The following ADCY2 variants were observed in gnomAD, a reference collection of about 807,000 sequenced individuals.
ADCY2 encodes adenylate cyclase type 2.
Under a neutral mutation model 125.2 loss-of-function variants are expected in ADCY2, and 31 were observed. The ratio of observed to expected loss-of-function variants is 0.25; its 90% CI spans 0.19 to 0.33. ADCY2 has a LOEUF of 0.33. Among genes scored for constraint, ADCY2 ranks in the 10% least tolerant of loss-of-function variants. The pLI is 1.00. For missense variants in ADCY2, 904 were observed against 1,418.2 expected, an observed-to-expected ratio of 0.64 and a Z score of 5.82; for synonymous variants, 512 against 548.4, an observed-to-expected ratio of 0.93 and a Z score of 0.93.
At chr5:7,490,263 G>C (rs1743111704) in intron 2 of ADCY2, among the ~76,000 whole-genome samples, 1 of 151,816 alleles carries the variant, frequency 6.6e-6, no homozygotes, top group African/African-American at 2.4e-5. Flanking sequence ...TTAATACCAT[G>C]GTTTATATCT....
At chr5:7,762,458 T>C (rs1338201105) in intron 16 of ADCY2, among the ~76,000 whole-genome samples, 1 of 152,186 alleles carries the variant, frequency 6.6e-6, no homozygotes, top group Non-Finnish European at 1.5e-5. Context: ...CACACACAGG[T>C]GGTGCTGATG....
chr5:7,566,112 G>A lies in ADCY2; in HGVS notation c.570+45213G>A, dbSNP rs76739007. On this transcript the variant is annotated intron_variant, in intron 3 of 24. Coordinates refer to ENST00000338316, the MANE Select transcript of ADCY2 (RefSeq NM_020546.3). Reference sequence around the variant, plus strand: ...GGAGGAAGAACTTGGGTTCAGCAAGGAATTGCACCAAGATGGGTCAGCACA... The same window carrying A: ...GGAGGAAGAACTTGGGTTCAGCAAGAAATTGCACCAAGATGGGTCAGCACA... Among the ~76,000 whole-genome samples the A allele has an allele frequency of 4.8e-3, 726 of 152,246 alleles. 4 individuals are homozygous for A. Among genetic ancestry groups the A allele is most frequent in the African/African-American group, 0.016 (678 of 41,550 alleles).
chr5:7,474,311 T>C (rs143968230), intron 2 of ADCY2, among the ~76,000 whole-genome samples: 7 of 152,312 alleles, frequency 4.6e-5, no homozygotes, highest in African/African-American at 1.7e-4. Flanking sequence ...AGGACAGACT[T>C]GGCCCTGCTT....
chr5:7,477,099 T>C (rs1321706720), intron 2 of ADCY2, among the ~76,000 whole-genome samples: 3 of 152,202 alleles, frequency 2.0e-5, no homozygotes, highest in African/African-American at 4.8e-5. Flanking sequence ...TACCTCGCTC[T>C]TGTTCTTATA....
intron 7 of ADCY2, among the ~76,000 whole-genome samples, chr5:7,706,411 G>A (rs566612924): frequency 2.6e-5 from 4 of 152,318 alleles, no homozygotes; most frequent in Admixed American, 2.0e-4. Flanking sequence ...GCAATGTCAC[G>A]TGATTCTAGT....
At chr5:7,556,773 T>C (rs908208116) in intron 3 of ADCY2, among the ~76,000 whole-genome samples, 1 of 152,110 alleles carries the variant, frequency 6.6e-6, no homozygotes, top group South Asian at 2.1e-4. Flanking sequence ...GGAACCCTAT[T>C]ATGAACTGCA....
Position 7,653,969 on chromosome 5 carries a change from C to T in ADCY2, c.720+27653C>T, listed in dbSNP as rs1223932918. 7 of 414,472 alleles carry T rather than the reference C, an allele frequency of 1.7e-5. No homozygotes were observed. The Admixed American group carries it at 1.9e-4, about 11-fold the overall frequency. 25.7% of individuals were successfully genotyped at this position (414,472 alleles called of 1,614,324 possible). On this transcript the variant is annotated intron_variant, in intron 4 of 24. Transcript: ENST00000338316. ...TCATTGTGAGGAGTTTGGTAGAAAT[C>T]CCAGAAGAGCTGTTGAGAAGACCAG...
At chr5:7,791,992 G>A (rs1173005795) in intron 20 of ADCY2, among the ~76,000 whole-genome samples, 1 of 152,030 alleles carries the variant, frequency 6.6e-6, no homozygotes, top group Non-Finnish European at 1.5e-5. Context: ...GCTCCAAGGG[G>A]CTACTTTTCC....
chr5:7,531,339 G>A (rs964831153), intron 3 of ADCY2, among the ~76,000 whole-genome samples: 9 of 152,108 alleles, frequency 5.9e-5, no homozygotes, highest in Non-Finnish European at 1.5e-5. Context: ...ATCCGACCAT[G>A]CTACATCTAA....
chr5:7,728,185 A>T (rs1269327628), intron 14 of ADCY2, among the ~76,000 whole-genome samples: 2 of 152,148 alleles, frequency 1.3e-5, no homozygotes, highest in Non-Finnish European at 2.9e-5. Context: ...GGCAACTCAA[A>T]CTGCTTAGAT....
intron 2 of ADCY2, among the ~76,000 whole-genome samples, chr5:7,519,161 C>G (rs911510103): frequency 2.0e-5 from 3 of 152,164 alleles, no homozygotes; most frequent in Non-Finnish European, 4.4e-5. Flanking sequence ...CAGACACCAC[C>G]CTGGAATAGT....
chr5:7,675,853 C>T (rs1317466367), intron 4 of ADCY2, among the ~76,000 whole-genome samples: 1 of 152,074 alleles, frequency 6.6e-6, no homozygotes, highest in African/African-American at 2.4e-5. Context: ...TAGAGGACTC[C>T]AATGAGTTTA....
rs1185070509 is a variant in ADCY2, at chr5:7,396,675, C to G, written c.210+169C>G. On this transcript the variant is annotated intron_variant, in intron 1 of 24. Transcript: ENST00000338316. The surrounding 1 kb of genome is among the most constrained non-coding windows in gnomAD (Gnocchi z 5.7). ...CTGCTTCTCCTGCTGGCCCGCGGCCCGGTGGACTCTGGCAAGGGCTGCGGG... is the reference window on the plus strand; with the variant it reads ...CTGCTTCTCCTGCTGGCCCGCGGCCGGGTGGACTCTGGCAAGGGCTGCGGG... Among the ~76,000 whole-genome samples the G allele has an allele frequency of 1.3e-5, 2 of 151,274 alleles. No homozygotes were observed. The highest frequency in any genetic ancestry group is 2.0e-4 in the East Asian group (1 of 5,084).
intron 15 of ADCY2, among the ~76,000 whole-genome samples, chr5:7,749,029 G>T (rs1354555630): frequency 1.3e-5 from 2 of 152,198 alleles, no homozygotes; most frequent in African/African-American, 4.8e-5. Flanking sequence ...CAGGCAGACG[G>T]TGCCCAGCAC....
intron 4 of ADCY2, among the ~76,000 whole-genome samples, chr5:7,650,340 C>T (rs978948184): frequency 3.9e-5 from 6 of 152,120 alleles, no homozygotes; most frequent in Non-Finnish European, 7.4e-5. Flanking sequence ...ATGATAGCCA[C>T]CACTATGAGG....
chr5:7,779,350 G>A (rs527836443), intron 18 of ADCY2, among the ~76,000 whole-genome samples: 1 of 152,306 alleles, frequency 6.6e-6, no homozygotes, highest in South Asian at 2.1e-4. Flanking sequence ...TAGGGGAAGG[G>A]TTTCACAGGG....
At chr5:7,775,588 A>G (rs2126486070) in intron 18 of ADCY2, among the ~76,000 whole-genome samples, 1 of 152,020 alleles carries the variant, frequency 6.6e-6, no homozygotes, top group East Asian at 1.9e-4. Context: ...ATGGGGTTTC[A>G]CCATGTTGGC....
intron 15 of ADCY2, among the ~76,000 whole-genome samples, chr5:7,751,082 A>G (rs1370530021): frequency 6.6e-6 from 1 of 152,042 alleles, no homozygotes; most frequent in South Asian, 2.1e-4. Context: ...GAGATGTTTC[A>G]TAGCCTCTCC....
intron 3 of ADCY2, among the ~76,000 whole-genome samples, chr5:7,562,545 A>G (rs779703800): frequency 2.4e-4 from 36 of 152,208 alleles, no homozygotes; most frequent in Non-Finnish European, 4.3e-4. Flanking sequence ...GTAGTCCTTT[A>G]TATTTCACTT....
Sources: gnomAD v4.1 joint callset for allele counts (sites outside exome capture counted in the v4.1 genomes callset) on GRCh38, gnomAD v4.1.1 for gene constraint, Gnocchi (gnomAD v3.1) non-coding constraint, MANE v1.5 for transcripts, NCBI Gene and HGNC (gene_info 2026-07-23, HGNC 2026-07-21) for gene names.